Variants in SEC22C observed in about 807,000 individuals in gnomAD.
SEC22C encodes the protein vesicle-trafficking protein SEC22c.
SEC22C carries 29 observed loss-of-function variants against 34.7 expected under a neutral mutation model. The observed-to-expected ratio is 0.84, with a 90% confidence interval of 0.62 to 1.14. SEC22C has a LOEUF of 1.14. Among genes scored for constraint, SEC22C ranks in the 50% most tolerant of loss-of-function variants. SEC22C has a pLI of 0.00. For synonymous variants in SEC22C, 117 were observed against 132.8 expected, an observed-to-expected ratio of 0.88 and a Z score of 0.82; for missense variants, 337 against 369.0, an observed-to-expected ratio of 0.91 and a Z score of 0.71.
intron 1 of SEC22C, chr3:42,591,596 C>T (rs764845012): frequency 7.4e-6 from 12 of 1,611,438 alleles, no homozygotes; most frequent in Admixed American, 1.7e-5. Context: ...GGAACGAGTG[C>T]GTGCAGTAAG....
rs1163651170 is a variant in SEC22C, at chr3:42,579,193, C to G, written c.-28+2653G>C. Among the ~76,000 whole-genome samples the G allele has an allele frequency of 3.3e-5, 5 of 152,156 alleles. No individual in the cohort carries two copies. In the South Asian group the frequency reaches 1.0e-3, roughly 31 times the overall value. On this transcript the variant is annotated intron_variant, in intron 1 of 6. Coordinates refer to ENST00000264454, the MANE Select transcript of SEC22C (RefSeq NM_032970.4). ...TCAGAAGGCTGAGGCAGGAGAGTCA[C>G]TTGAACCCAGGAGGCAGAGGTTGCA... is the stretch of plus-strand genomic sequence containing the variant.
rs113720650 is a variant in SEC22C, at chr3:42,557,558, A to T, written c.645+20T>A. 2,778 of 243,682 alleles carry T rather than the reference A, an allele frequency of 0.011. 1 individual carries two copies. Among genetic ancestry groups the T allele is most frequent in the African/African-American group, 0.025 (673 of 27,326 alleles). 15.1% of individuals were successfully genotyped at this position (243,682 alleles called of 1,614,324 possible). On this transcript the variant is annotated intron_variant, in intron 5 of 6. Transcript: ENST00000264454. ...TATGTCCTTCAATTTAAACTGTTTT[A>T]AAAAAAAAAAAAAGGTTACCTGTAA...
Position 42,561,202 on chromosome 3 carries a change from C to G in SEC22C, c.441G>C (p.Leu147Phe). ...CCAGAGTGAGAACCGCTGGAGGCTG[C>G]AACTTGAGCTCCTCCTGAATTTTTT... ...SLEKIQEELKLQPPAVLTLED... is the reference protein window; with the variant it reads ...SLEKIQEELKFQPPAVLTLED... The change falls in exon 4 of 7, where the codon TTG (leucine) becomes TTC (phenylalanine). Residue 147 changes from leucine (L) to phenylalanine (F), a missense_variant. Physicochemically the swap from Leu to Phe is conservative, Grantham distance 22. Coordinates refer to ENST00000264454, the MANE Select transcript of SEC22C (RefSeq NM_032970.4). The G allele has an allele frequency of 1.2e-6, 2 of 1,614,192 alleles. No homozygotes were observed. Among genetic ancestry groups the G allele is most frequent in the Non-Finnish European group, 1.7e-6 (2 of 1,180,036 alleles).
chr3:42,591,930 C>A (rs1294841725), intron 1 of SEC22C, among the ~76,000 whole-genome samples: 1 of 152,150 alleles, frequency 6.6e-6, no homozygotes, highest in Non-Finnish European at 1.5e-5. Context: ...AGAGCCATGG[C>A]CCCTTTCTCA....
chr3:42,564,740 T>C (rs1035687052), intron 2 of SEC22C, among the ~76,000 whole-genome samples: 2 of 152,188 alleles, frequency 1.3e-5, no homozygotes, highest in South Asian at 2.1e-4. Context: ...ACAAGAACTT[T>C]CCTTTATGCA....
intron 1 of SEC22C, among the ~76,000 whole-genome samples, chr3:42,571,786 T>A (rs2136012): frequency 0.45 from 69,178 of 152,062 alleles, 18,464 homozygotes; most frequent in African/African-American, 0.74. Context: ...TACTTCTCCC[T>A]TGAAATACCC....
intron 3 of SEC22C, 124 bp downstream of exon 3, chr3:42,563,399 C>A: frequency 1.3e-6 from 1 of 743,804 alleles, no homozygotes; most frequent in East Asian, 2.7e-5. Flanking sequence ...CAAGTCTGTT[C>A]TTCAATGACA....
At chr3:42,597,839 A>G (rs1705074262) in intron 1 of SEC22C, among the ~76,000 whole-genome samples, 2 of 152,260 alleles carry the variant, frequency 1.3e-5, no homozygotes, top group African/African-American at 4.8e-5. Context: ...AGTGAGCCCA[A>G]TTTCCAAATT....
intron 3 of SEC22C, among the ~76,000 whole-genome samples, chr3:42,561,542 AT>A (rs1559516511): frequency 6.6e-6 from 1 of 151,958 alleles, no homozygotes; most frequent in South Asian, 2.1e-4. Context: ...CACCTGGCTA[AT>A]TTTTTTCATT....
At chr3:42,597,148 G>A (rs771886805) in intron 1 of SEC22C, among the ~76,000 whole-genome samples, 36 of 152,202 alleles carry the variant, frequency 2.4e-4, no homozygotes, top group African/African-American at 8.7e-4. Flanking sequence ...CCTACAGACT[G>A]CTCCTCTAAT....
chr3:42,579,950 G>C (rs191589661), intron 1 of SEC22C, among the ~76,000 whole-genome samples: 4 of 152,332 alleles, frequency 2.6e-5, no homozygotes, highest in African/African-American at 7.2e-5. Context: ...AAAGAGAAAG[G>C]TTTATACAGA....
At position 42,563,513 on chromosome 3, in the gene SEC22C, G is replaced by A; in HGVS notation, c.346+10C>T. 6.2e-7 allele frequency: 1 copy of A among 1,601,618 alleles called. No individual in the cohort carries two copies. Among genetic ancestry groups the A allele is most frequent in the South Asian group, 1.1e-5 (1 of 89,054 alleles). On this transcript the variant is annotated intron_variant, in intron 3 of 6. Coordinates refer to ENST00000264454, the MANE Select transcript of SEC22C (RefSeq NM_032970.4). Reference sequence around the variant, plus strand: ...GAAGAGAAAAATAAATATGAAAGAGGGTTACAAACCAAACTCAAGAAAAGC... The same window carrying A: ...GAAGAGAAAAATAAATATGAAAGAGAGTTACAAACCAAACTCAAGAAAAGC...
chr3:42,569,149 A>C, intron 1 of SEC22C, 76 bp from the exon 2 acceptor site: 1 of 906,262 alleles, frequency 1.1e-6, no homozygotes, highest in Non-Finnish European at 1.7e-6. Context: ...TGAAATGCCC[A>C]CTCTAGGGTT....
Position 42,551,479 on chromosome 3 carries a change from T to C in SEC22C, c.*1769A>G. The C allele has an allele frequency of 1.9e-6, 1 of 520,658 alleles. No homozygotes were observed. Among genetic ancestry groups the C allele is most frequent in the Non-Finnish European group, 2.5e-6 (1 of 405,478 alleles). 32.3% of individuals were successfully genotyped at this position (520,658 alleles called of 1,614,324 possible). On this transcript the variant is annotated 3_prime_UTR_variant, in exon 7 of 7. Transcript: ENST00000264454. ...GCCTCAGACTCCCAAAGTGCTGGGA[T>C]TACAGGCATGTGCCATCACATCCGG...
intron 1 of SEC22C, among the ~76,000 whole-genome samples, chr3:42,589,407 G>C (rs549965098): frequency 3.5e-4 from 53 of 152,316 alleles, no homozygotes; most frequent in Non-Finnish European, 7.1e-4. Context: ...AAGCTCTAGG[G>C]ACCTCCCCTT....
rs750063635 is a variant in SEC22C at position 42,553,371 on chromosome 3, G to A, written c.789C>T (p.Asn263=). 1.9e-6 allele frequency: 3 copies of A among 1,614,160 alleles called. No individual in the cohort carries two copies. The highest frequency in any genetic ancestry group is 1.1e-5 in the South Asian group (1 of 91,082). The change falls in exon 7 of 7, where the codon AAC becomes AAT. Residue 263 remains asparagine (N), a synonymous_variant. Coordinates refer to ENST00000264454, the MANE Select transcript of SEC22C (RefSeq NM_032970.4). ...VLMLLFICLG[N]MYLHGLRNLW... is the part of the protein sequence containing the mutation. ...GGTTCCTCAGCCCGTGCAGGTACAT[G>A]TTGCCCAGGCAAATAAAGAGCAGCA...
upstream of SEC22C, among the ~76,000 whole-genome samples, chr3:42,584,968 A>G (rs1362845970): frequency 6.6e-6 from 1 of 152,104 alleles, no homozygotes; most frequent in African/African-American, 2.4e-5. Flanking sequence ...CTCTATTGAA[A>G]AATTACAAAA....
chr3:42,568,746 C>T (rs908684833), intron 2 of SEC22C, 119 bp downstream of exon 2: 3 of 811,432 alleles, frequency 3.7e-6, no homozygotes, highest in Non-Finnish European at 5.9e-6. Context: ...TGATCTCAGA[C>T]CACTGATGCT....
At chr3:42,573,985 CA>C (rs1240288838) in intron 1 of SEC22C, among the ~76,000 whole-genome samples, 1 of 152,018 alleles carries the variant, frequency 6.6e-6, no homozygotes, top group Non-Finnish European at 1.5e-5. Context: ...GACATAAGCC[CA>C]GAGATTCAAA....
Sources: gnomAD v4.1 joint callset for allele counts (sites outside exome capture counted in the v4.1 genomes callset) on GRCh38, gnomAD v4.1.1 for gene constraint, MANE v1.5 for transcripts, NCBI Gene and HGNC (gene_info 2026-07-23, HGNC 2026-07-21) for gene names.